Variants in DPYD observed in about 807,000 individuals in gnomAD.
The protein encoded by DPYD is dihydropyrimidine dehydrogenase [NADP(+)].
A neutral mutation model predicts 116.2 loss-of-function variants in DPYD; 109 were observed. That is an observed-to-expected ratio of 0.94 (90% CI 0.80 to 1.10). DPYD has a LOEUF of 1.10. DPYD is among the 50% of genes least tolerant of loss of function. The pLI is 0.00. For missense variants in DPYD, 1,302 were observed against 1,254.5 expected (o/e 1.04, Z -0.57); for synonymous variants, 440 against 432.0 (o/e 1.02, Z -0.23).
intron 13 of DPYD, among the ~76,000 whole-genome samples, chr1:97,460,326 C>T (rs770759364): frequency 6.6e-6 from 1 of 152,102 alleles, no homozygotes; most frequent in Non-Finnish European, 1.5e-5. Context: ...TTACATGATC[C>T]TTTGGGATTA....
Position 97,379,032 on chromosome 1 carries a change from C to G in DPYD, c.1974+3361G>C, listed in dbSNP as rs538536488. Among the ~76,000 whole-genome samples the G allele has an allele frequency of 3.8e-4, 58 of 152,316 alleles. 1 individual carries two copies. The highest frequency in any genetic ancestry group is 3.6e-3 in the Admixed American group (55 of 15,300). Reference sequence around the variant, plus strand: ...GCAAGTGGCCCATGCAAGTAAATGCCCTGAAGCTTAAGCTTCATTAACTAT... The same window carrying G: ...GCAAGTGGCCCATGCAAGTAAATGCGCTGAAGCTTAAGCTTCATTAACTAT... On this transcript the variant is annotated intron_variant, in intron 15 of 22. Transcript: ENST00000370192.
intron 20 of DPYD, among the ~76,000 whole-genome samples, chr1:97,104,334 G>A (rs1205703655): frequency 6.6e-6 from 1 of 151,994 alleles, no homozygotes; most frequent in African/African-American, 2.4e-5. Flanking sequence ...ATATAAATAG[G>A]TTTTCAAATA....
At chr1:97,303,912 C>T (rs1165334076) in intron 18 of DPYD, among the ~76,000 whole-genome samples, 1 of 151,930 alleles carries the variant, frequency 6.6e-6, no homozygotes, top group East Asian at 1.9e-4. Context: ...TTTTCAGGTA[C>T]TGCTATAATT....
intron 16 of DPYD, among the ~76,000 whole-genome samples, chr1:97,355,082 T>C (rs994873993): frequency 6.6e-6 from 1 of 152,208 alleles, no homozygotes; most frequent in African/African-American, 2.4e-5. Context: ...ATGAATTTAT[T>C]ATTTTGGGAT....
chr1:97,872,202 G>A (rs773300345), intron 2 of DPYD, among the ~76,000 whole-genome samples: 9 of 151,818 alleles, frequency 5.9e-5, no homozygotes, highest in Non-Finnish European at 1.3e-4. Context: ...AGCTGTGAAG[G>A]GAAAATTTTT....
chr1:97,545,058 G>T (rs991536014), intron 12 of DPYD, among the ~76,000 whole-genome samples: 4 of 152,012 alleles, frequency 2.6e-5, no homozygotes, highest in African/African-American at 9.7e-5. Context: ...TAAAATAAGG[G>T]TATAAAAGAG....
At chr1:97,141,796 G>C (rs957668074) in intron 20 of DPYD, among the ~76,000 whole-genome samples, 23 of 152,234 alleles carry the variant, frequency 1.5e-4, no homozygotes, top group African/African-American at 5.5e-4. Flanking sequence ...TGAATGAATG[G>C]ATGGCAATAG....
intron 7 of DPYD, among the ~76,000 whole-genome samples, chr1:97,690,494 G>C (rs901156804): frequency 6.6e-6 from 1 of 151,826 alleles, no homozygotes; most frequent in South Asian, 2.1e-4. Context: ...CATAGAAAGT[G>C]TAATGATCAA....
At chr1:97,840,938 T>C (rs1008787674) in intron 2 of DPYD, among the ~76,000 whole-genome samples, 9 of 152,238 alleles carry the variant, frequency 5.9e-5, no homozygotes, top group Admixed American at 5.9e-4. Context: ...TGACCTTCAC[T>C]GGAAGAAAGT....
chr1:97,150,502 A>G (rs2039449), intron 20 of DPYD, among the ~76,000 whole-genome samples: 46,492 of 152,116 alleles, frequency 0.31, 8,144 homozygotes, highest in East Asian at 0.65. Context: ...TAGGTAAAAT[A>G]TAATTTGCTT....
intron 1 of DPYD, among the ~76,000 whole-genome samples, chr1:97,905,049 T>C (rs190716857): frequency 6.6e-6 from 1 of 152,146 alleles, no homozygotes; most frequent in East Asian, 1.9e-4. Context: ...AATATATGTT[T>C]TTATGGAAGT....
At chr1:97,177,949 C>T (rs1237235491) in intron 20 of DPYD, among the ~76,000 whole-genome samples, 1 of 152,108 alleles carries the variant, frequency 6.6e-6, no homozygotes, top group African/African-American at 2.4e-5. Flanking sequence ...TGTATCTTCA[C>T]ATGGTGGAAG....
chr1:97,384,472 G>C (rs534692631), intron 14 of DPYD, among the ~76,000 whole-genome samples: 2 of 151,968 alleles, frequency 1.3e-5, no homozygotes, highest in Non-Finnish European at 2.9e-5. Context: ...TATTTGGCAC[G>C]TATCAAAGAC....
intron 2 of DPYD, among the ~76,000 whole-genome samples, chr1:97,844,924 C>T (rs1471769984): frequency 1.3e-5 from 2 of 152,238 alleles, no homozygotes; most frequent in African/African-American, 2.4e-5. Context: ...CAGGTGCTGT[C>T]GCAACCTGGC....
chr1:97,578,343 GC>G (rs1411146298), intron 10 of DPYD, among the ~76,000 whole-genome samples: 1 of 151,970 alleles, frequency 6.6e-6, no homozygotes, highest in African/African-American at 2.4e-5. Flanking sequence ...AAAGTATTTA[GC>G]TTCAAACCGA....
At chr1:97,129,077 T>C (rs201376080) in intron 20 of DPYD, among the ~76,000 whole-genome samples, 1 of 151,432 alleles carries the variant, frequency 6.6e-6, no homozygotes, top group Non-Finnish European at 1.5e-5. Context: ...TTCTTTTTTT[T>C]TTTTTTTTAT....
rs370329631 is a variant in DPYD, at chr1:97,581,148, GCAACAACAACAA to G, written c.1129-7190_1129-7179del. Reference sequence around the variant, plus strand: ...GTGAAACCCTGTCTCTATTAAAAATGCAACAACAACAACAACAACAACAACAAAAATTAGCTG... The same window carrying G: ...GTGAAACCCTGTCTCTATTAAAAATGCAACAACAACAACAAAAATTAGCTG... On this transcript the variant is annotated intron_variant, in intron 10 of 22. Coordinates refer to ENST00000370192, the MANE Select transcript of DPYD (RefSeq NM_000110.4). 7.7e-4 allele frequency among the ~76,000 whole-genome samples: 116 copies of G among 149,940 alleles called. No homozygotes were observed. In the Middle Eastern group the frequency reaches 0.021, roughly 27 times the overall value.
chr1:97,559,615 T>A (rs1394246874), intron 11 of DPYD, among the ~76,000 whole-genome samples: 3 of 152,180 alleles, frequency 2.0e-5, no homozygotes, highest in Non-Finnish European at 4.4e-5. Context: ...AGCTCATTAA[T>A]GTTATTTTTT....
chr1:97,820,590 T>A (rs1288204408), intron 3 of DPYD, among the ~76,000 whole-genome samples: 1 of 152,156 alleles, frequency 6.6e-6, no homozygotes, highest in Non-Finnish European at 1.5e-5. Context: ...ACAAATAGTA[T>A]ACACACACCA....
Sources: gnomAD v4.1 joint callset for allele counts (sites outside exome capture counted in the v4.1 genomes callset) on GRCh38, gnomAD v4.1.1 for gene constraint, MANE v1.5 for transcripts, NCBI Gene and HGNC (gene_info 2026-07-23, HGNC 2026-07-21) for gene names.